The following IFT122 variants were observed in gnomAD, a reference collection of about 807,000 sequenced individuals.
IFT122 encodes the protein intraflagellar transport protein 122 homolog.
In IFT122, 118 loss-of-function variants were observed where a neutral mutation model predicts 161.6. The ratio of observed to expected loss-of-function variants is 0.73; its 90% CI spans 0.63 to 0.85. IFT122 has a LOEUF of 0.85. Among genes scored for constraint, IFT122 ranks in the 40% least tolerant of loss-of-function variants. The pLI, the probability that IFT122 is intolerant of heterozygous loss-of-function variation, is 0.00. For synonymous variants in IFT122, 550 were observed against 602.4 expected, an observed-to-expected ratio of 0.91 and a Z score of 1.27; for missense variants, 1,381 against 1,579.6, an observed-to-expected ratio of 0.87 and a Z score of 2.13.
At chr3:129,489,783 G>T (rs1039188256) in intron 16 of IFT122, among the ~76,000 whole-genome samples, 4 of 150,756 alleles carry the variant, frequency 2.7e-5, no homozygotes, top group African/African-American at 9.8e-5. Flanking sequence ...AGCGTGCAGT[G>T]AGCCGAGATG....
intron 8 of IFT122, 151 bp downstream of exon 8, chr3:129,467,217 C>T (rs950779484): frequency 1.5e-6 from 1 of 677,572 alleles, no homozygotes; most frequent in African/African-American, 1.8e-5. Flanking sequence ...GGAGACATAC[C>T]CTTAAAACTT....
At chr3:129,500,447 C>A (rs2081386433) in intron 19 of IFT122, among the ~76,000 whole-genome samples, 1 of 152,234 alleles carries the variant, frequency 6.6e-6, no homozygotes, top group South Asian at 2.1e-4. Context: ...ACAAGTTATT[C>A]CCAAAGTCCA....
intron 12 of IFT122, 44 bp from the exon 13 acceptor site, chr3:129,479,740 AC>A (rs2078411082): frequency 6.2e-7 from 1 of 1,612,878 alleles, no homozygotes; most frequent in Non-Finnish European, 8.5e-7. Context: ...GTCTGGGGGC[AC>A]TTATTCTGTT....
At chr3:129,486,766 T>A (rs1470102646) in intron 15 of IFT122, among the ~76,000 whole-genome samples, 1 of 152,208 alleles carries the variant, frequency 6.6e-6, no homozygotes, top group East Asian at 1.9e-4. Context: ...TTGGAGCACA[T>A]CTCTCCTTTG....
chr3:129,515,997 C>G (rs1262251660), intron 26 of IFT122, among the ~76,000 whole-genome samples: 3 of 151,826 alleles, frequency 2.0e-5, no homozygotes, highest in Non-Finnish European at 4.4e-5. Context: ...CACACAGACA[C>G]ACACGCACAC....
intron 18 of IFT122, among the ~76,000 whole-genome samples, chr3:129,496,901 C>G (rs1031593828): frequency 6.6e-6 from 1 of 152,154 alleles, no homozygotes; most frequent in Non-Finnish European, 1.5e-5. Context: ...CAGGATGAAC[C>G]CTTAAGGGAT....
intron 5 of IFT122, among the ~76,000 whole-genome samples, chr3:129,461,749 A>G (rs2076238203): frequency 6.6e-6 from 1 of 152,108 alleles, no homozygotes; most frequent in Non-Finnish European, 1.5e-5. Flanking sequence ...ATTTGTCGTC[A>G]TTACTGGTTT....
chr3:129,507,728 T>A lies in IFT122; in HGVS notation c.2852T>A (p.Leu951Gln). Residue 951 changes from leucine (L) to glutamine (Q), a missense_variant, in exon 23 of 30, where the codon CTG (leucine) becomes CAG (glutamine). Physicochemically the swap from Leu to Gln is moderately radical, Grantham distance 113 (BLOSUM62 -2). This residue lies in a region of IFT122 where 496 missense variants were observed against 502.5 expected (regional missense o/e 0.99). Coordinates refer to ENST00000348417, the MANE Select transcript of IFT122 (RefSeq NM_052989.3). Reference sequence around the variant, plus strand: ...TACCACTTCCAGCGTTTGGCAGAGCTGTACCATGGTTACCATGCCATCCAT... The same window carrying A: ...TACCACTTCCAGCGTTTGGCAGAGCAGTACCATGGTTACCATGCCATCCAT... ...KFYHFQRLAE[L>Q]YHGYHAIHRH... 1 of 1,614,150 alleles carries A rather than the reference T, an allele frequency of 6.2e-7. No homozygotes were observed.
Position 129,478,480 on chromosome 3 carries a change from G to A in IFT122, c.1350+262G>A, listed in dbSNP as rs141807655. On this transcript the variant is annotated intron_variant, in intron 12 of 29. Coordinates refer to ENST00000348417, the MANE Select transcript of IFT122 (RefSeq NM_052989.3). The stretch of plus-strand genomic sequence containing the variant: ...AAAATATTTTTCTTGAGACAGACAG[G>A]GTCTTGCTCTGTTGCCCAGGCTGGA... Among the ~76,000 whole-genome samples, 7 of 152,188 alleles carry A rather than the reference G, an allele frequency of 4.6e-5. No homozygotes were observed. The East Asian group carries it at 1.2e-3, about 25-fold the overall frequency.
chr3:129,448,553 TTACTG>T (rs912627476), intron 1 of IFT122, among the ~76,000 whole-genome samples: 5 of 152,158 alleles, frequency 3.3e-5, no homozygotes, highest in South Asian at 2.1e-4. Context: ...GCCCGTTTCT[TTACTG>T]TACACGTGGT....
intron 3 of IFT122, chr3:129,452,229 G>T: frequency 6.0e-6 from 3 of 498,544 alleles, no homozygotes; most frequent in Non-Finnish European, 1.1e-5. Flanking sequence ...AGAAAAAAAC[G>T]GTGGTCCCTC....
intron 15 of IFT122, among the ~76,000 whole-genome samples, chr3:129,485,111 G>A (rs1038537142): frequency 3.9e-5 from 6 of 152,206 alleles, no homozygotes; most frequent in African/African-American, 1.4e-4. Flanking sequence ...CATGTTTGCT[G>A]CTTATAGCTT....
chr3:129,444,377 C>G (rs530373799), intron 1 of IFT122, among the ~76,000 whole-genome samples: 1 of 152,262 alleles, frequency 6.6e-6, no homozygotes, highest in African/African-American at 2.4e-5. Context: ...CTTGTTCCAG[C>G]TTCTTTATCA....
intron 18 of IFT122, among the ~76,000 whole-genome samples, chr3:129,497,592 G>A (rs776988688): frequency 7.9e-5 from 12 of 152,098 alleles, no homozygotes; most frequent in Non-Finnish European, 1.5e-4. Context: ...GGTGGACTTC[G>A]TGTGCCCACA....
At chr3:129,508,929 C>T (rs983819978) in intron 23 of IFT122, among the ~76,000 whole-genome samples, 14 of 152,304 alleles carry the variant, frequency 9.2e-5, no homozygotes, top group Middle Eastern at 3.4e-3. Flanking sequence ...TGCATCTCCT[C>T]GATTTGCTGA....
intron 17 of IFT122, among the ~76,000 whole-genome samples, chr3:129,494,494 T>C (rs1207499683): frequency 6.6e-6 from 1 of 152,236 alleles, no homozygotes; most frequent in African/African-American, 2.4e-5. Flanking sequence ...GTTAAAACTT[T>C]CACCAGCTTG....
In IFT122 at chr3:129,440,789, G is replaced by A. The variant is rs527677674; in HGVS notation, c.41+418G>A. ...TAATTATGATTTCACATTTTACAAG[G>A]AAACTTTATTACTCCATTTATGAAA... On this transcript the variant is annotated intron_variant, in intron 1 of 29. Transcript: ENST00000348417. 4.6e-5 allele frequency among the ~76,000 whole-genome samples: 7 copies of A among 152,330 alleles called. No individual in the cohort carries two copies. The South Asian group carries it at 1.2e-3, about 27-fold the overall frequency.
At chr3:129,465,503 CTCGGTTG>C (rs2076650672) in intron 7 of IFT122, among the ~76,000 whole-genome samples, 2 of 137,794 alleles carry the variant, frequency 1.5e-5, no homozygotes, top group Non-Finnish European at 3.0e-5. Flanking sequence ...TGGAGTCTCG[CTCGGTTG>C]CCCAGCCTGG....
At chr3:129,486,384 C>CT (rs1196093658) in intron 15 of IFT122, among the ~76,000 whole-genome samples, 1 of 152,242 alleles carries the variant, frequency 6.6e-6, no homozygotes, top group Admixed American at 6.5e-5. Context: ...TTATACCCAT[C>CT]TTTCAGGTTT....
Sources: allele counts gnomAD v4.1 joint callset (sites outside exome capture counted in the v4.1 genomes callset), GRCh38; gene constraint gnomAD v4.1.1; regional missense constraint gnomAD v4.1.1; transcripts MANE v1.5; gene names NCBI Gene and HGNC (gene_info 2026-07-23, HGNC 2026-07-21).